Variants in LONRF2 observed in about 807,000 individuals in gnomAD.
LONRF2 encodes LON peptidase N-terminal domain and ring finger 2.
Under a neutral mutation model 66.6 loss-of-function variants are expected in LONRF2, and 35 were observed. That is an observed-to-expected ratio of 0.53 (90% CI 0.40 to 0.70). The LOEUF is 0.70. LONRF2 is among the 30% of genes least tolerant of loss of function. The pLI is 0.00. For synonymous variants in LONRF2, 417 were observed against 418.1 expected (o/e 1.00, Z 0.03); for missense variants, 902 against 1,002.1 (o/e 0.90, Z 1.35).
Position 100,322,232 on chromosome 2 carries a change from A to C in LONRF2, c.-139T>G. On this transcript the variant is annotated 5_prime_UTR_variant, in exon 1 of 12. Transcript: ENST00000393437. The stretch of plus-strand genomic sequence containing the variant: ...GCGCGTCTGGGGGCGGCGCGCTGCG[A>C]GCGGCTGAGACCGCGGGCGGGGGCG... 8 of 783,202 alleles carry C rather than the reference A, an allele frequency of 1.0e-5. No homozygotes were observed. The highest frequency in any genetic ancestry group is 5.0e-5 in the East Asian group (1 of 19,884). 48.5% of individuals were successfully genotyped at this position (783,202 alleles called of 1,614,324 possible).
rs1674639611 is a variant in LONRF2, at chr2:100,278,264, C to T, written c.*6034G>A. The T allele has an allele frequency of 6.6e-6, 1 of 152,150 alleles. No homozygotes were observed. Among genetic ancestry groups the T allele is most frequent in the Admixed American group, 6.5e-5 (1 of 15,282 alleles). 9.4% of individuals were successfully genotyped at this position (152,150 alleles called of 1,614,324 possible). On this transcript the variant is annotated 3_prime_UTR_variant, in exon 12 of 12. Coordinates refer to ENST00000393437, the MANE Select transcript of LONRF2 (RefSeq NM_198461.4). ...TTTAAACATAAAAAGAGGGCTATGT[C>T]TTGCATTCTTGTATATAAAAGCTCA...
chr2:100,272,646 GT>G lies in LONRF2; in HGVS notation c.*11651del, dbSNP rs1674524047. ...TCAGTATTTTGTAGAGTGTTATGCT[GT>G]TTTAAATATTGTAATTTATGCCTCT... On this transcript the variant is annotated 3_prime_UTR_variant, in exon 12 of 12. Transcript: ENST00000393437. Among the ~76,000 whole-genome samples the G allele has an allele frequency of 6.6e-6, 1 of 152,008 alleles. No homozygotes were observed. Among genetic ancestry groups the G allele is most frequent in the Non-Finnish European group, 1.5e-5 (1 of 67,984 alleles).
At chr2:100,307,936 T>A (rs1437728680) in intron 2 of LONRF2, among the ~76,000 whole-genome samples, 3 of 116,004 alleles carry the variant, frequency 2.6e-5, no homozygotes, top group African/African-American at 9.9e-5. Context: ...GAAATTGGAG[T>A]CTAAACTTTT....
In LONRF2 at chr2:100,284,171, G is replaced by A; in HGVS notation, c.*127C>T. ...ATTTTTGAGGAGGACTCAATGTTTG[G>A]CAAGCGTCCCATTTTGGAACCTCAT... On this transcript the variant is annotated 3_prime_UTR_variant, in exon 12 of 12. Coordinates refer to ENST00000393437, the MANE Select transcript of LONRF2 (RefSeq NM_198461.4). 1 of 812,360 alleles carries A rather than the reference G, an allele frequency of 1.2e-6. No individual in the cohort carries two copies. The highest frequency in any genetic ancestry group is 2.6e-4 in the Middle Eastern group (1 of 3,862). The allele number at this position is 812,360 out of a possible 1,614,324, so 50.3% of individuals were successfully genotyped here. A position where few individuals can be genotyped will look rare whatever the true frequency, so the allele number is the denominator to read the frequency against.
At chr2:100,305,900 A>AT (rs1343590580) in intron 2 of LONRF2, among the ~76,000 whole-genome samples, 1 of 152,040 alleles carries the variant, frequency 6.6e-6, no homozygotes, top group Non-Finnish European at 1.5e-5. Context: ...TATTATTATT[A>AT]TTTTTTGAGA....
intron 7 of LONRF2, among the ~76,000 whole-genome samples, chr2:100,297,270 A>G (rs1214738604): frequency 1.3e-5 from 2 of 151,374 alleles, no homozygotes; most frequent in Non-Finnish European, 2.9e-5. Flanking sequence ...CTGGGACTAC[A>G]GGTGCCCGCC....
At chr2:100,289,130 C>A (rs531913299) in intron 10 of LONRF2, among the ~76,000 whole-genome samples, 1 of 151,876 alleles carries the variant, frequency 6.6e-6, no homozygotes, top group Non-Finnish European at 1.5e-5. Flanking sequence ...ACCTAGAGAA[C>A]AGGGACTGAC....
intron 1 of LONRF2, among the ~76,000 whole-genome samples, chr2:100,321,122 C>T (rs1047660054): frequency 6.6e-6 from 1 of 152,192 alleles, no homozygotes; most frequent in African/African-American, 2.4e-5. Flanking sequence ...TCCTCAACAG[C>T]GCAGAAGATG....
intron 7 of LONRF2, among the ~76,000 whole-genome samples, chr2:100,297,308 A>AT (rs11311863): frequency 2.7e-5 from 4 of 150,198 alleles, no homozygotes; most frequent in Non-Finnish European, 5.9e-5. Flanking sequence ...TTGTTTTTGT[A>AT]TTTTTTTTTT....
At chr2:100,319,313 T>C (rs1559184280) in intron 1 of LONRF2, among the ~76,000 whole-genome samples, 1 of 152,328 alleles carries the variant, frequency 6.6e-6, no homozygotes, top group East Asian at 1.9e-4. Flanking sequence ...AGTTCTCATA[T>C]GAATTTACTG....
At chr2:100,312,138 C>G (rs1675422527) in intron 1 of LONRF2, among the ~76,000 whole-genome samples, 1 of 152,060 alleles carries the variant, frequency 6.6e-6, no homozygotes, top group Non-Finnish European at 1.5e-5. Flanking sequence ...ACTTTCTTGA[C>G]CTTAGCGCCT....
intron 1 of LONRF2, among the ~76,000 whole-genome samples, chr2:100,316,071 A>C (rs868214895): frequency 6.6e-6 from 1 of 152,168 alleles, no homozygotes; most frequent in African/African-American, 2.4e-5. Context: ...CTGTAATCCC[A>C]GCACTTTGGG....
Position 100,298,873 on chromosome 2 carries a change from G to A in LONRF2, c.1439C>T (p.Ala480Val), listed in dbSNP as rs756334717. The change falls in exon 7 of 12, where the codon GCC (alanine) becomes GTC (valine). Residue 480 changes from alanine to valine, a missense_variant. Around this residue, in one of 2 missense-constraint regions of LONRF2, gnomAD observed 317 missense variants for 432.2 expected, o/e 0.73. Coordinates refer to ENST00000393437, the MANE Select transcript of LONRF2 (RefSeq NM_198461.4). Reference sequence around the variant, plus strand: ...GTCTTTGCACAAAGGACAGTGTGGGGCGTGGTCAAGGCAGCGCTCAAGGCA... The same window carrying A: ...GTCTTTGCACAAAGGACAGTGTGGGACGTGGTCAAGGCAGCGCTCAAGGCA... ...LKCLERCLDH[A>V]PHCPLCKDKL... 2.5e-6 allele frequency: 4 copies of A among 1,614,160 alleles called. No individual in the cohort carries two copies. The highest frequency in any genetic ancestry group is 8.5e-7 in the Non-Finnish European group (1 of 1,180,020).
intron 9 of LONRF2, among the ~76,000 whole-genome samples, chr2:100,291,285 C>A (rs570204669): frequency 6.6e-6 from 1 of 152,228 alleles, no homozygotes; most frequent in East Asian, 1.9e-4. Context: ...AGGATCCTGT[C>A]CACAGATAAG....
chr2:100,311,587 T>C (rs1675409541), intron 1 of LONRF2, among the ~76,000 whole-genome samples: 1 of 152,208 alleles, frequency 6.6e-6, no homozygotes, highest in Non-Finnish European at 1.5e-5. Context: ...TATTTCCTCA[T>C]GCTCTCATAT....
At chr2:100,304,330 T>C (rs1292186474) in intron 2 of LONRF2, among the ~76,000 whole-genome samples, 5 of 151,818 alleles carry the variant, frequency 3.3e-5, no homozygotes, top group Admixed American at 1.3e-4. Context: ...TTTGTAGACT[T>C]GGGGTCTCGT....
rs138443005 is a variant in LONRF2, at chr2:100,320,865, A to C, written c.679+550T>G. On this transcript the variant is annotated intron_variant, in intron 1 of 11. Transcript: ENST00000393437. Reference sequence around the variant, plus strand: ...CAATTTAAAACTACACACACTAGTCAGTGTAACTATCTAGTAAGTTAAATA... The same window carrying C: ...CAATTTAAAACTACACACACTAGTCCGTGTAACTATCTAGTAAGTTAAATA... 2.0e-5 allele frequency among the ~76,000 whole-genome samples: 3 copies of C among 152,312 alleles called. No individual in the cohort carries two copies. The East Asian group carries it at 5.8e-4, about 29-fold the overall frequency.
chr2:100,283,870 T>G lies in LONRF2; in HGVS notation c.*428A>C, dbSNP rs1674788526. On this transcript the variant is annotated 3_prime_UTR_variant, in exon 12 of 12. Coordinates refer to ENST00000393437, the MANE Select transcript of LONRF2 (RefSeq NM_198461.4). ...TTAGCCTGTGTTCTAAGAAATCCAC[T>G]TCCAGATAAAAACGTGGTTCCCCCA... 6.5e-6 allele frequency: 1 copy of G among 153,962 alleles called. No individual in the cohort carries two copies. Among genetic ancestry groups the G allele is most frequent in the Admixed American group, 6.5e-5 (1 of 15,414 alleles). 9.5% of individuals were successfully genotyped at this position (153,962 alleles called of 1,614,324 possible).
chr2:100,290,574 G>A (rs913816244), intron 9 of LONRF2, among the ~76,000 whole-genome samples, 154 bp from the exon 10 acceptor site: 32 of 152,176 alleles, frequency 2.1e-4, no homozygotes, highest in Non-Finnish European at 2.2e-4. Flanking sequence ...TAAGAGACAC[G>A]TGCACATGGT....
Sources: gnomAD v4.1 joint callset for allele counts (sites outside exome capture counted in the v4.1 genomes callset) on GRCh38, gnomAD v4.1.1 for gene constraint, gnomAD v4.1.1 regional missense constraint, MANE v1.5 for transcripts, NCBI Gene and HGNC (gene_info 2026-07-23, HGNC 2026-07-21) for gene names.